Variants in AFF3 observed in about 807,000 individuals in gnomAD.
AFF3 encodes the protein AF4/FMR2 family member 3.
A neutral mutation model predicts 129.7 loss-of-function variants in AFF3; 32 were observed. That is an observed-to-expected ratio of 0.25 (90% CI 0.19 to 0.33). AFF3 has a LOEUF of 0.33. Among genes scored for constraint, AFF3 ranks in the 10% least tolerant of loss-of-function variants. The probability of loss-of-function intolerance (pLI) is 1.00; values close to 1 mark genes in which losing one functional copy is unlikely to be tolerated. For synonymous variants in AFF3, 644 were observed against 635.4 expected, an observed-to-expected ratio of 1.01 and a Z score of -0.20; for missense variants, 1,373 against 1,592.0, an observed-to-expected ratio of 0.86 and a Z score of 2.34.
At chr2:99,698,139 G>T (rs1342294325) in intron 11 of AFF3, among the ~76,000 whole-genome samples, 2 of 152,158 alleles carry the variant, frequency 1.3e-5, no homozygotes, top group Admixed American at 6.5e-5. Flanking sequence ...CTTCCCACCA[G>T]CATGAAAACC....
At chr2:99,689,949 T>A (rs1675441387) in intron 11 of AFF3, among the ~76,000 whole-genome samples, 1 of 150,522 alleles carries the variant, frequency 6.6e-6, no homozygotes, top group East Asian at 2.0e-4. Context: ...TAGCTGGGCA[T>A]GATGGTATGT....
intron 7 of AFF3, among the ~76,000 whole-genome samples, chr2:99,954,217 G>A (rs1379464173): frequency 6.6e-6 from 1 of 151,240 alleles, no homozygotes; most frequent in Non-Finnish European, 1.5e-5. Flanking sequence ...AAAATGCATG[G>A]TACAAAAAAA....
intron 8 of AFF3, among the ~76,000 whole-genome samples, chr2:99,778,895 CGCGTGTGTGTGT>C (rs370372366): frequency 2.6e-3 from 360 of 137,166 alleles, no homozygotes; most frequent in Middle Eastern, 7.0e-3. Flanking sequence ...TGTGTGTGTG[CGCGTGTGTGTGT>C]GTGTGTGTGT....
intron 11 of AFF3, among the ~76,000 whole-genome samples, chr2:99,723,314 GT>G (rs1343536055): frequency 6.6e-6 from 1 of 152,144 alleles, no homozygotes; most frequent in Non-Finnish European, 1.5e-5. Flanking sequence ...TCGATCTCCC[GT>G]TTTTAAAGGA....
At chr2:99,676,839 G>A (rs757304971) in intron 11 of AFF3, among the ~76,000 whole-genome samples, 2 of 152,174 alleles carry the variant, frequency 1.3e-5, no homozygotes, top group African/African-American at 2.4e-5. Context: ...CAGTAAACAC[G>A]CCTATCAGCC....
intron 7 of AFF3, among the ~76,000 whole-genome samples, chr2:99,857,117 T>C (rs778380974): frequency 1.3e-5 from 2 of 152,164 alleles, no homozygotes; most frequent in Non-Finnish European, 2.9e-5. Context: ...TTCAAGAAGA[T>C]TGCTCAAATG....
chr2:99,947,612 ATAGATAG>A (rs1675740634), intron 7 of AFF3, among the ~76,000 whole-genome samples: 1 of 106,254 alleles, frequency 9.4e-6, no homozygotes, highest in Non-Finnish European at 2.0e-5. Context: ...AGATAGATAG[ATAGATAG>A]ATAGATAGAT....
intron 8 of AFF3, among the ~76,000 whole-genome samples, chr2:99,758,585 C>CAAAA (rs5832882): frequency 2.9e-5 from 3 of 103,162 alleles, no homozygotes; most frequent in African/African-American, 7.3e-5. Flanking sequence ...GACTCCATCT[C>CAAAA]AAAAAAAAAA....
intron 7 of AFF3, among the ~76,000 whole-genome samples, chr2:99,862,407 T>C (rs1424612268): frequency 1.3e-5 from 2 of 152,190 alleles, no homozygotes; most frequent in Non-Finnish European, 2.9e-5. Context: ...GAGTTTCATG[T>C]TTCAGAAACA....
intron 7 of AFF3, among the ~76,000 whole-genome samples, chr2:99,842,970 C>T (rs1048950199): frequency 1.3e-5 from 2 of 152,214 alleles, no homozygotes; most frequent in African/African-American, 4.8e-5. Context: ...CTACTACTTT[C>T]AAATCACAAT....
intron 8 of AFF3, among the ~76,000 whole-genome samples, chr2:99,756,910 A>G (rs1259725759): frequency 6.6e-6 from 1 of 152,216 alleles, no homozygotes; most frequent in African/African-American, 2.4e-5. Flanking sequence ...CCACCTTCAC[A>G]TTTCCAAGAC....
chr2:100,089,226 A>G (rs1689684577), intron 4 of AFF3, among the ~76,000 whole-genome samples: 1 of 151,334 alleles, frequency 6.6e-6, no homozygotes, highest in African/African-American at 2.4e-5. Flanking sequence ...GTAGGTTCAC[A>G]TATTTTTGCC....
At chr2:99,634,145 T>C (rs1350424440) in intron 13 of AFF3, among the ~76,000 whole-genome samples, 3 of 152,184 alleles carry the variant, frequency 2.0e-5, no homozygotes, top group African/African-American at 7.2e-5. Context: ...TGACCTCAGG[T>C]GATCCACCTG....
intron 8 of AFF3, among the ~76,000 whole-genome samples, chr2:99,769,453 C>A (rs1419009691): frequency 6.6e-6 from 1 of 152,198 alleles, no homozygotes. Context: ...ATTTTGAATT[C>A]TCTGTCACAT....
chr2:99,975,035 C>T (rs1047562072), intron 7 of AFF3, among the ~76,000 whole-genome samples: 1 of 152,198 alleles, frequency 6.6e-6, no homozygotes, highest in African/African-American at 2.4e-5. Flanking sequence ...AGATTTTCCA[C>T]TTGAAATAAC....
At chr2:100,092,693 T>C (rs2105421713) in intron 4 of AFF3, among the ~76,000 whole-genome samples, 1 of 152,204 alleles carries the variant, frequency 6.6e-6, no homozygotes, top group East Asian at 1.9e-4. Flanking sequence ...AATTTTCACC[T>C]CTTTGCCTTT....
At chr2:100,047,834 C>T (rs1399147192) in intron 4 of AFF3, among the ~76,000 whole-genome samples, 1 of 152,122 alleles carries the variant, frequency 6.6e-6, no homozygotes, top group African/African-American at 2.4e-5. Context: ...TAAAAGAAAG[C>T]CTTTAAGATA....
At chr2:99,634,129 A>T (rs1166166103) in intron 13 of AFF3, among the ~76,000 whole-genome samples, 1 of 151,992 alleles carries the variant, frequency 6.6e-6, no homozygotes, top group Non-Finnish European at 1.5e-5. Context: ...TGGCCAGGCT[A>T]GCTTCTGACC....
At chr2:99,753,469 T>C (rs1325380100) in intron 8 of AFF3, among the ~76,000 whole-genome samples, 1 of 152,198 alleles carries the variant, frequency 6.6e-6, no homozygotes, top group Non-Finnish European at 1.5e-5. Flanking sequence ...CGATCCATTT[T>C]CAGAAAAGTG....
Sources: gnomAD v4.1 joint callset for allele counts (sites outside exome capture counted in the v4.1 genomes callset) on GRCh38, gnomAD v4.1.1 for gene constraint, MANE v1.5 for transcripts, NCBI Gene and HGNC (gene_info 2026-07-23, HGNC 2026-07-21) for gene names.